Variants in PTPRD observed in about 807,000 individuals in gnomAD.
PTPRD encodes protein tyrosine phosphatase receptor type D, also known as receptor-type tyrosine-protein phosphatase delta.
A neutral mutation model predicts 214.5 loss-of-function variants in PTPRD; 34 were observed. The ratio of observed to expected loss-of-function variants is 0.16; its 90% CI spans 0.12 to 0.21. The LOEUF (loss-of-function observed/expected upper bound fraction) is 0.21, where lower values mean the gene tolerates loss of function less well. Ranked by LOEUF, PTPRD falls within the 10% of genes least tolerant of loss-of-function variation. The pLI, the probability that PTPRD is intolerant of heterozygous loss-of-function variation, is 1.00. For missense variants in PTPRD, 2,545 were observed against 2,398.7 expected (o/e 1.06, Z -1.27); for synonymous variants, 1,128 against 845.7 (o/e 1.33, Z -5.79).
At chr9:9,551,697 C>T (rs1224164577) in intron 8 of PTPRD, among the ~76,000 whole-genome samples, 1 of 151,960 alleles carries the variant, frequency 6.6e-6, no homozygotes, top group Non-Finnish European at 1.5e-5. Flanking sequence ...TGAATTAGTA[C>T]ATGCCAGTCC....
intron 8 of PTPRD, among the ~76,000 whole-genome samples, chr9:9,447,328 A>T (rs896977202): frequency 6.6e-6 from 1 of 152,180 alleles, no homozygotes; most frequent in African/African-American, 2.4e-5. Context: ...ATGGAATATT[A>T]GACAGCCATA....
intron 12 of PTPRD, chr9:8,713,666 C>G: frequency 1.3e-6 from 2 of 1,508,212 alleles, no homozygotes; most frequent in Non-Finnish European, 1.8e-6. Flanking sequence ...CGGCACCGCG[C>G]CCGGGCCCAC....
chr9:8,939,234 C>A (rs1001925715), intron 11 of PTPRD, among the ~76,000 whole-genome samples: 8 of 152,124 alleles, frequency 5.3e-5, no homozygotes, highest in Non-Finnish European at 8.8e-5. Context: ...CTTTCCATTA[C>A]TACCACTGAT....
At chr9:9,004,577 T>G (rs1330546665) in intron 11 of PTPRD, among the ~76,000 whole-genome samples, 4 of 152,020 alleles carry the variant, frequency 2.6e-5, no homozygotes, top group Non-Finnish European at 5.9e-5. Flanking sequence ...CCTGACATTC[T>G]TTAGCCATAT....
At chr9:10,324,258 C>A (rs1168458811) in intron 3 of PTPRD, among the ~76,000 whole-genome samples, 1 of 151,910 alleles carries the variant, frequency 6.6e-6, no homozygotes, top group Non-Finnish European at 1.5e-5. Context: ...CTTTGATAGC[C>A]CACCCCTTCT....
At chr9:9,787,973 G>A (rs1301667680) in intron 5 of PTPRD, among the ~76,000 whole-genome samples, 2 of 151,244 alleles carry the variant, frequency 1.3e-5, no homozygotes, top group African/African-American at 2.4e-5. Context: ...AGTAAAGACA[G>A]GATTTTGCCA....
chr9:8,760,084 C>T (rs942261944), intron 11 of PTPRD, among the ~76,000 whole-genome samples: 1 of 152,204 alleles, frequency 6.6e-6, no homozygotes, highest in Non-Finnish European at 1.5e-5. Flanking sequence ...GCGTGCGCCA[C>T]AACGCCCAGC....
chr9:9,302,601 C>CTTTTTTTTTTTTTTTTTTTTTTTTTTCTT (rs3047853), intron 9 of PTPRD, among the ~76,000 whole-genome samples: 1 of 111,888 alleles, frequency 8.9e-6, no homozygotes, highest in Non-Finnish European at 1.7e-5. Context: ...TTTTTTTTTT[C>CTTTTTTTTTTTTTTTTTTTTTTTTTTCTT]TTTTTTTTTT....
intron 2 of PTPRD, among the ~76,000 whole-genome samples, chr9:10,426,138 T>C (rs2098612498): frequency 6.6e-6 from 1 of 152,014 alleles, no homozygotes; most frequent in South Asian, 2.1e-4. Flanking sequence ...TTTCTATACC[T>C]TCCCTTGCAT....
At chr9:9,188,454 G>C (rs550468692) in intron 9 of PTPRD, among the ~76,000 whole-genome samples, 12 of 152,156 alleles carry the variant, frequency 7.9e-5, no homozygotes, top group Admixed American at 7.9e-4. Context: ...TTCCAAAGTG[G>C]TTGTAGCAAT....
chr9:10,538,817 T>C (rs1014497500), intron 2 of PTPRD, among the ~76,000 whole-genome samples: 2 of 152,170 alleles, frequency 1.3e-5, no homozygotes, highest in African/African-American at 2.4e-5. Context: ...GATCTTATAA[T>C]TGAAAACCCT....
intron 2 of PTPRD, among the ~76,000 whole-genome samples, chr9:10,450,244 TA>T (rs547511079): frequency 0.022 from 3,253 of 149,940 alleles, 126 homozygotes; most frequent in African/African-American, 0.068. Context: ...CAATAAATAC[TA>T]AAAAAAATAA....
At chr9:9,684,188 T>A (rs1301220677) in intron 7 of PTPRD, among the ~76,000 whole-genome samples, 1 of 151,688 alleles carries the variant, frequency 6.6e-6, no homozygotes, top group African/African-American at 2.4e-5. Context: ...CTTTTAACAT[T>A]TTATGTCACT....
intron 30 of PTPRD, among the ~76,000 whole-genome samples, chr9:8,478,436 T>C (rs1338465138): frequency 6.6e-6 from 1 of 152,228 alleles, no homozygotes; most frequent in Non-Finnish European, 1.5e-5. Context: ...TTATTCTTTA[T>C]TTCAATTTTT....
At chr9:10,565,746 T>C (rs2065406072) in intron 2 of PTPRD, among the ~76,000 whole-genome samples, 1 of 152,026 alleles carries the variant, frequency 6.6e-6, no homozygotes, top group Non-Finnish European at 1.5e-5. Context: ...CTTTTACTTA[T>C]CTGAGCCTTT....
intron 14 of PTPRD, among the ~76,000 whole-genome samples, chr9:8,560,623 T>C (rs1269164088): frequency 1.3e-5 from 2 of 152,112 alleles, no homozygotes; most frequent in Non-Finnish European, 2.9e-5. Flanking sequence ...GCAGATGACA[T>C]AGCAATGGAA....
intron 11 of PTPRD, among the ~76,000 whole-genome samples, chr9:8,932,431 A>C (rs2098959344): frequency 6.6e-6 from 1 of 152,176 alleles, no homozygotes; most frequent in South Asian, 2.1e-4. Context: ...GTAGTCATTC[A>C]GGAGCAGGTT....
At chr9:9,143,482 C>T (rs76428503) in intron 10 of PTPRD, among the ~76,000 whole-genome samples, 1 of 152,112 alleles carries the variant, frequency 6.6e-6, no homozygotes, top group Non-Finnish European at 1.5e-5. Flanking sequence ...AAAGATCAGG[C>T]ATTGAAAGGG....
chr9:9,922,108 T>C (rs1283918061), intron 5 of PTPRD, among the ~76,000 whole-genome samples: 2 of 152,064 alleles, frequency 1.3e-5, no homozygotes, highest in African/African-American at 2.4e-5. Flanking sequence ...CACAAGAAGT[T>C]AGCAAATCAC....
Sources: gnomAD v4.1 joint callset for allele counts (sites outside exome capture counted in the v4.1 genomes callset) on GRCh38, gnomAD v4.1.1 for gene constraint, MANE v1.5 for transcripts, NCBI Gene and HGNC (gene_info 2026-07-23, HGNC 2026-07-21) for gene names.